CSMD1: variants seen among roughly 807,000 people sequenced by gnomAD.
The protein encoded by CSMD1 is CUB and Sushi multiple domains 1.
In CSMD1, 213 loss-of-function variants were observed where a neutral mutation model predicts 417.5. The observed-to-expected ratio is 0.51, with a 90% CI of 0.46 to 0.57. The LOEUF (loss-of-function observed/expected upper bound fraction) is 0.57, where lower values mean the gene tolerates loss of function less well. Ranked by LOEUF, CSMD1 falls within the 20% of genes least tolerant of loss-of-function variation. The probability of loss-of-function intolerance (pLI) is 0.00; values close to 1 mark genes in which losing one functional copy is unlikely to be tolerated. For missense variants in CSMD1, 6,923 were observed against 4,529.7 expected (o/e 1.53, Z -15.17); for synonymous variants, 2,862 against 1,736.8 (o/e 1.65, Z -16.11).
At chr8:4,138,023 G>C (rs972827618) in intron 3 of CSMD1, among the ~76,000 whole-genome samples, 105 of 139,880 alleles carry the variant, frequency 7.5e-4, no homozygotes, top group Admixed American at 1.0e-3. Context: ...GACTAGAGGC[G>C]CCCGCCACCA....
intron 6 of CSMD1, among the ~76,000 whole-genome samples, chr8:3,741,213 T>TAAAA (rs58662516): frequency 0.035 from 2,364 of 67,132 alleles, 139 homozygotes; most frequent in Non-Finnish European, 0.046. Context: ...GACTCCGTCT[T>TAAAA]AAAAAAAAAA....
intron 1 of CSMD1, among the ~76,000 whole-genome samples, chr8:4,711,412 A>C (rs1808288620): frequency 6.6e-6 from 1 of 152,198 alleles, no homozygotes; most frequent in African/African-American, 2.4e-5. Context: ...GATTCTCAGA[A>C]GACAAATTGT....
intron 2 of CSMD1, among the ~76,000 whole-genome samples, chr8:4,475,182 T>C (rs569382473): frequency 3.3e-5 from 5 of 152,340 alleles, no homozygotes; most frequent in African/African-American, 9.6e-5. Context: ...TTGCCTATAA[T>C]ACAGGGCTGT....
intron 5 of CSMD1, among the ~76,000 whole-genome samples, chr8:3,840,844 C>T (rs979242159): frequency 1.3e-5 from 2 of 151,876 alleles, no homozygotes; most frequent in Non-Finnish European, 2.9e-5. Context: ...CCTGCCACTA[C>T]GTACAGGCGC....
At chr8:4,028,532 A>G (rs1797180864) in intron 4 of CSMD1, among the ~76,000 whole-genome samples, 1 of 152,214 alleles carries the variant, frequency 6.6e-6, no homozygotes, top group Non-Finnish European at 1.5e-5. Context: ...CAAATATGCA[A>G]TAACTAGCGA....
chr8:3,536,468 G>A (rs368007382), intron 10 of CSMD1, among the ~76,000 whole-genome samples: 4 of 152,296 alleles, frequency 2.6e-5, no homozygotes, highest in African/African-American at 9.6e-5. Context: ...GTTGGGCCAG[G>A]TTTCCTCTTT....
intron 18 of CSMD1, among the ~76,000 whole-genome samples, chr8:3,370,520 C>G (rs1222702397): frequency 6.6e-6 from 1 of 152,208 alleles, no homozygotes; most frequent in South Asian, 2.1e-4. Context: ...GCCAGTGTGA[C>G]TGGGCTAAGG....
intron 3 of CSMD1, among the ~76,000 whole-genome samples, chr8:4,278,384 C>G (rs571970797): frequency 6.6e-6 from 1 of 152,186 alleles, no homozygotes; most frequent in Non-Finnish European, 1.5e-5. Flanking sequence ...AAATTATCAG[C>G]TATACAGAAT....
intron 2 of CSMD1, among the ~76,000 whole-genome samples, chr8:4,612,029 G>C (rs1184720679): frequency 6.6e-6 from 1 of 152,140 alleles, no homozygotes; most frequent in African/African-American, 2.4e-5. Flanking sequence ...TAATTGGAAT[G>C]AAAAGAAAGC....
At chr8:3,848,459 T>A (rs1283753547) in intron 5 of CSMD1, among the ~76,000 whole-genome samples, 1 of 152,124 alleles carries the variant, frequency 6.6e-6, no homozygotes, top group Non-Finnish European at 1.5e-5. Flanking sequence ...TTAAGTTCTC[T>A]GAGTACTTAA....
intron 23 of CSMD1, among the ~76,000 whole-genome samples, chr8:3,320,575 G>C (rs748458919): frequency 1.8e-4 from 27 of 152,266 alleles, no homozygotes; most frequent in Admixed American, 3.3e-4. Context: ...CCATATGTAA[G>C]AATTCAACAC....
chr8:4,951,715 T>C (rs940300534), intron 1 of CSMD1, among the ~76,000 whole-genome samples: 2 of 151,396 alleles, frequency 1.3e-5, no homozygotes, highest in African/African-American at 4.8e-5. Flanking sequence ...ACCAGAAGAA[T>C]CTCCCTATAT....
At chr8:3,396,098 T>A (rs772556183) in intron 17 of CSMD1, 96 bp downstream of exon 17, 7 of 1,049,758 alleles carry the variant, frequency 6.7e-6, no homozygotes, top group Non-Finnish European at 9.9e-6. Flanking sequence ...ATCAGTAAAC[T>A]AGCACAGTCA....
intron 41 of CSMD1, among the ~76,000 whole-genome samples, chr8:3,126,801 G>T (rs536298093): frequency 7.2e-5 from 11 of 152,256 alleles, no homozygotes; most frequent in African/African-American, 2.6e-4. Flanking sequence ...AGAGTTTTGG[G>T]CCTCGCTGAG....
Position 2,973,223 on chromosome 8 carries a change from C to T in CSMD1, c.8817G>A (p.Lys2939=), listed in dbSNP as rs1449384433. Residue 2939 remains lysine (K), a synonymous_variant, in exon 57 of 70, where the codon AAG becomes AAA. Transcript: ENST00000635120. ...TTTCACAGGAGAAGCGGAGAAGACT[C>T]TTTGTCTTAAAGTCATCACCAAGCC... ...GSRLGDDFKT[K]SLLRFSCEMG... is the part of the protein sequence containing the mutation. The T allele has an allele frequency of 6.2e-7, 1 of 1,613,944 alleles. No homozygotes were observed. Among genetic ancestry groups the T allele is most frequent in the African/African-American group, 1.3e-5 (1 of 75,042 alleles).
chr8:3,701,181 G>T (rs910113692), intron 7 of CSMD1, among the ~76,000 whole-genome samples: 4 of 152,104 alleles, frequency 2.6e-5, no homozygotes, highest in Non-Finnish European at 4.4e-5. Context: ...TAAGCCCGTG[G>T]ATAGGAAGTT....
chr8:3,706,864 T>A (rs1801197972), intron 7 of CSMD1, among the ~76,000 whole-genome samples: 1 of 152,206 alleles, frequency 6.6e-6, no homozygotes, highest in South Asian at 2.1e-4. Context: ...TAAAAAACCC[T>A]TTATTCCTTC....
Position 4,902,443 on chromosome 8 carries a change from A to G in CSMD1, c.85+91889T>C, listed in dbSNP as rs1224085587. Among the ~76,000 whole-genome samples the G allele has an allele frequency of 4.6e-5, 7 of 152,046 alleles. No individual in the cohort carries two copies. In the East Asian group the frequency reaches 9.7e-4, roughly 21 times the overall value. On this transcript the variant is annotated intron_variant, in intron 1 of 69. Transcript: ENST00000635120. The stretch of plus-strand genomic sequence containing the variant: ...CCATCTCTAAAGAGGAGAAAAAAAA[A>G]AAAGAAAGGAAACTACTCTATAATC...
chr8:3,396,107 C>T, intron 17 of CSMD1, 87 bp downstream of exon 17: 1 of 1,139,078 alleles, frequency 8.8e-7, no homozygotes, highest in Non-Finnish European at 1.3e-6. Context: ...CTAGCACAGT[C>T]ATCTGCAGGC....
Sources: gnomAD v4.1 joint callset for allele counts (sites outside exome capture counted in the v4.1 genomes callset) on GRCh38, gnomAD v4.1.1 for gene constraint, MANE v1.5 for transcripts, NCBI Gene and HGNC (gene_info 2026-07-23, HGNC 2026-07-21) for gene names.